LIPC: variants seen among roughly 807,000 people sequenced by gnomAD.
LIPC encodes the protein hepatic triacylglycerol lipase.
A neutral mutation model predicts 50.7 loss-of-function variants in LIPC; 44 were observed. The observed-to-expected ratio is 0.87, with a 90% confidence interval of 0.68 to 1.11. The LOEUF (loss-of-function observed/expected upper bound fraction) is 1.11, where lower values mean the gene tolerates loss of function less well. Among genes scored for constraint, LIPC ranks in the 50% most tolerant of loss-of-function variants. LIPC has a pLI of 0.00. For synonymous variants in LIPC, 271 were observed against 256.4 expected (o/e 1.06, Z -0.54); for missense variants, 697 against 648.2 (o/e 1.08, Z -0.82).
chr15:58,495,587 A>T (rs1300536873), intron 1 of LIPC, among the ~76,000 whole-genome samples: 1 of 152,232 alleles, frequency 6.6e-6, no homozygotes, highest in African/African-American at 2.4e-5. Context: ...AGCAACGCTG[A>T]AGTGGCTATT....
chr15:58,469,241 C>T (rs979632025), intron 1 of LIPC, among the ~76,000 whole-genome samples: 63 of 152,020 alleles, frequency 4.1e-4, no homozygotes, highest in African/African-American at 1.4e-3. Flanking sequence ...CCAAGTAATC[C>T]TCCTGCCTCA....
intron 1 of LIPC, among the ~76,000 whole-genome samples, chr15:58,517,675 C>T (rs999763317): frequency 3.9e-5 from 6 of 152,186 alleles, no homozygotes; most frequent in Admixed American, 3.3e-4. Flanking sequence ...GAACACAGGG[C>T]AACAGAAACC....
intron 1 of LIPC, among the ~76,000 whole-genome samples, chr15:58,450,433 C>A (rs1324223126): frequency 6.6e-6 from 1 of 152,140 alleles, no homozygotes; most frequent in Non-Finnish European, 1.5e-5. Flanking sequence ...GAGTGGGAAG[C>A]ATTAGAGACC....
intron 1 of LIPC, chr15:58,533,262 C>T: frequency 1.5e-6 from 1 of 666,464 alleles, no homozygotes; most frequent in Non-Finnish European, 1.9e-6. Context: ...TAAAGCATAT[C>T]CTTTCCTCAC....
At chr15:58,564,760 G>A (rs573351549) in intron 8 of LIPC, among the ~76,000 whole-genome samples, 29 of 151,954 alleles carry the variant, frequency 1.9e-4, no homozygotes, top group African/African-American at 6.0e-4. Context: ...AAAAGAAAAG[G>A]AAGGATGCTC....
intron 1 of LIPC, among the ~76,000 whole-genome samples, chr15:58,501,002 A>G (rs1462119401): frequency 3.3e-5 from 5 of 151,934 alleles, no homozygotes; most frequent in African/African-American, 1.2e-4. Context: ...CTCGCAGCCA[A>G]TCCATATTTC....
intron 1 of LIPC, among the ~76,000 whole-genome samples, chr15:58,531,931 C>T (rs930141239): frequency 4.6e-5 from 7 of 152,142 alleles, no homozygotes; most frequent in Non-Finnish European, 8.8e-5. Context: ...AAAATTACCA[C>T]GGCTTTACAA....
At chr15:58,530,166 G>A (rs1375915349) in intron 1 of LIPC, among the ~76,000 whole-genome samples, 1 of 152,224 alleles carries the variant, frequency 6.6e-6, no homozygotes, top group Non-Finnish European at 1.5e-5. Context: ...TGGTCTCCAG[G>A]CGCCTTGTGT....
chr15:58,485,034 C>T (rs1474058914), intron 1 of LIPC, among the ~76,000 whole-genome samples: 1 of 152,190 alleles, frequency 6.6e-6, no homozygotes, highest in African/African-American at 2.4e-5. Flanking sequence ...CCATAGCATT[C>T]AGCACCCTCA....
At chr15:58,460,845 G>T (rs1486550700) in intron 1 of LIPC, among the ~76,000 whole-genome samples, 3 of 152,226 alleles carry the variant, frequency 2.0e-5, no homozygotes, top group Non-Finnish European at 2.9e-5. Flanking sequence ...AGGTGGCGTA[G>T]TCCCATGGCC....
chr15:58,544,337 A>G (rs746379423), intron 4 of LIPC, among the ~76,000 whole-genome samples: 2 of 151,726 alleles, frequency 1.3e-5, no homozygotes, highest in Non-Finnish European at 2.9e-5. Context: ...CCGTCTTGTC[A>G]TCAGCCTGAT....
intron 1 of LIPC, among the ~76,000 whole-genome samples, chr15:58,471,115 G>A (rs1411900266): frequency 2.0e-5 from 3 of 149,032 alleles, no homozygotes; most frequent in Non-Finnish European, 4.5e-5. Flanking sequence ...TGGTAAGTAG[G>A]ATTTTTTTTT....
At chr15:58,483,924 C>T (rs1156748784) in intron 1 of LIPC, among the ~76,000 whole-genome samples, 1 of 152,136 alleles carries the variant, frequency 6.6e-6, no homozygotes, top group African/African-American at 2.4e-5. Flanking sequence ...CCAGCCGTTC[C>T]AAATTACTTC....
At chr15:58,500,100 T>C (rs1321936794) in intron 1 of LIPC, among the ~76,000 whole-genome samples, 1 of 151,926 alleles carries the variant, frequency 6.6e-6, no homozygotes, top group Non-Finnish European at 1.5e-5. Context: ...AACGTAAGGA[T>C]CCCCACATCC....
At position 58,567,281 on chromosome 15, in the gene LIPC, GTA is replaced by G. The variant is rs769000261; in HGVS notation, c.1389-1424_1389-1423del. Among the ~76,000 whole-genome samples, 507 of 65,414 alleles carry G rather than the reference GTA, an allele frequency of 7.8e-3. 10 individuals are homozygous for G. The South Asian group carries it at 0.089, about 11-fold the overall frequency. The allele number at this position is 65,414 out of a possible 152,430, so 42.9% of individuals were successfully genotyped here. ...TATATGTATATGTGTGTGTGTGTGT[GTA>G]TATATATATACATATATATATACAT... On this transcript the variant is annotated intron_variant, in intron 8 of 8. Coordinates refer to ENST00000299022, the MANE Select transcript of LIPC (RefSeq NM_000236.3).
chr15:58,451,108 G>A (rs934610640), intron 1 of LIPC, among the ~76,000 whole-genome samples: 1 of 152,190 alleles, frequency 6.6e-6, no homozygotes, highest in Non-Finnish European at 1.5e-5. Flanking sequence ...CAAGCAATCG[G>A]TTGGGATTCA....
rs200889722 is a variant in LIPC at position 58,548,519 on chromosome 15, G to A, written c.998G>A (p.Arg333Gln). 9.4e-5 allele frequency: 151 copies of A among 1,601,682 alleles called. No homozygotes were observed. The highest frequency in any genetic ancestry group is 5.1e-4 in the Middle Eastern group (3 of 5,888). The change falls in exon 6 of 9, where the codon CGG (arginine) becomes CAG (glutamine). Residue 333 changes from arginine to glutamine, a missense_variant. Transcript: ENST00000299022. The stretch of plus-strand genomic sequence containing the variant: ...GGCTACCACGTCCGCCAGGAGCCGC[G>A]GAGCAAGAGCAAGAGGCTCTTCCTC... ...TLGYHVRQEP[R>Q]SKSKRLFLVT... is the part of the protein sequence containing the mutation.
intron 3 of LIPC, 115 bp from the exon 4 acceptor site, chr15:58,542,419 C>T: frequency 1.3e-6 from 1 of 772,340 alleles, no homozygotes; most frequent in Non-Finnish European, 2.4e-6. Context: ...GTGAATAAGG[C>T]ACCTCATTTC....
At chr15:58,536,968 A>G (rs1331984765) in intron 1 of LIPC, among the ~76,000 whole-genome samples, 1 of 152,186 alleles carries the variant, frequency 6.6e-6, no homozygotes, top group Non-Finnish European at 1.5e-5. Flanking sequence ...TTATTTGAGA[A>G]GCCTGAATGA....
Sources: gnomAD v4.1 joint callset for allele counts (sites outside exome capture counted in the v4.1 genomes callset) on GRCh38, gnomAD v4.1.1 for gene constraint, MANE v1.5 for transcripts, NCBI Gene and HGNC (gene_info 2026-07-23, HGNC 2026-07-21) for gene names.